Variants in NAV3 observed in about 807,000 individuals in gnomAD.
NAV3 encodes neuron navigator 3, also known as pore membrane and/or filament interacting like protein 1.
NAV3 carries 87 observed loss-of-function variants against 244.7 expected under a neutral mutation model. That is an observed-to-expected ratio of 0.36 (90% CI 0.30 to 0.42). NAV3 has a LOEUF of 0.42. Ranked by LOEUF, NAV3 falls within the 20% of genes least tolerant of loss-of-function variation. The probability of loss-of-function intolerance (pLI) is 1.00; values close to 1 mark genes in which losing one functional copy is unlikely to be tolerated. For missense variants in NAV3, 2,663 were observed against 2,893.3 expected, an observed-to-expected ratio of 0.92 and a Z score of 1.83; for synonymous variants, 1,126 against 1,042.2, an observed-to-expected ratio of 1.08 and a Z score of -1.55.
chr12:77,705,996 A>G (rs1326791915), intron 2 of NAV3, among the ~76,000 whole-genome samples: 1 of 151,362 alleles, frequency 6.6e-6, no homozygotes. Context: ...TTTTCCCTTC[A>G]CAGCTATTGT....
chr12:78,168,718 C>A, intron 23 of NAV3, 37 bp from the exon 24 acceptor site: 2 of 1,357,286 alleles, frequency 1.5e-6, no homozygotes, highest in Non-Finnish European at 2.1e-6. Flanking sequence ...ATTTTTCTTT[C>A]GGGTACTAAA....
intron 31 of NAV3, among the ~76,000 whole-genome samples, chr12:78,186,342 A>G (rs1434741367): frequency 6.6e-6 from 1 of 151,888 alleles, no homozygotes; most frequent in Non-Finnish European, 1.5e-5. Context: ...TAAGTATCCA[A>G]TTTTTTTACA....
At chr12:78,120,052 G>T (rs1955603786) in intron 15 of NAV3, 107 bp downstream of exon 15, 8 of 499,080 alleles carry the variant, frequency 1.6e-5, no homozygotes, top group Non-Finnish European at 1.8e-5. Context: ...TATGTATAAG[G>T]TATATATATA....
Position 77,926,195 on chromosome 12 carries a change from C to T in NAV3, c.244-14124C>T, listed in dbSNP as rs149008397. On this transcript the variant is annotated intron_variant, in intron 1 of 39. Transcript: ENST00000397909. Reference sequence around the variant, plus strand: ...GTTCTATGTTTTTAGCCTAAGTGAACGTAAACAATCCCTTGGCCACTTCTT... The same window carrying T: ...GTTCTATGTTTTTAGCCTAAGTGAATGTAAACAATCCCTTGGCCACTTCTT... 3.3e-4 allele frequency among the ~76,000 whole-genome samples: 50 copies of T among 152,178 alleles called. No homozygotes were observed. The East Asian group carries it at 8.7e-3, about 26-fold the overall frequency.
chr12:78,035,201 C>T (rs1323401783), intron 9 of NAV3, among the ~76,000 whole-genome samples: 1 of 152,086 alleles, frequency 6.6e-6, no homozygotes, highest in East Asian at 1.9e-4. Flanking sequence ...TTGAGATTGG[C>T]AATAGGAGGT....
At chr12:77,756,523 G>C (rs1268313852) in intron 2 of NAV3, among the ~76,000 whole-genome samples, 3 of 152,136 alleles carry the variant, frequency 2.0e-5, no homozygotes. Context: ...ATGTCAGTAA[G>C]ACATGCTCCT....
At position 77,780,006 on chromosome 12, in the gene NAV3, G is replaced by A. The variant is rs115151018; in HGVS notation, c.73-160313G>A. Among the ~76,000 whole-genome samples, 1,436 of 152,294 alleles carry A rather than the reference G, an allele frequency of 9.4e-3. 16 individuals are homozygous for A. Among genetic ancestry groups the A allele is most frequent in the African/African-American group, 0.032 (1,346 of 41,556 alleles). ...TCCTGTTGGATAGTTTCTTTGGAAT[G>A]CAGTGTTTTAGTTTTTTATTTTGTG... On this transcript the variant is annotated intron_variant, in intron 2 of 8. Transcript: ENST00000550042.
intron 2 of NAV3, among the ~76,000 whole-genome samples, chr12:77,627,989 G>A (rs1871712783): frequency 6.6e-6 from 1 of 152,166 alleles, no homozygotes; most frequent in Non-Finnish European, 1.5e-5. Flanking sequence ...GTAGAAAGTG[G>A]AATAATGGCT....
chr12:77,945,345 G>T (rs1890238166), intron 3 of NAV3, among the ~76,000 whole-genome samples: 1 of 152,112 alleles, frequency 6.6e-6, no homozygotes, highest in South Asian at 2.1e-4. Context: ...ATTTGTTTCT[G>T]TATCATGTCA....
intron 23 of NAV3, among the ~76,000 whole-genome samples, chr12:78,168,093 A>G (rs1324005021): frequency 6.6e-6 from 1 of 151,686 alleles, no homozygotes; most frequent in African/African-American, 2.4e-5. Flanking sequence ...TATAATACAT[A>G]TATTTTATTT....
chr12:77,580,737 T>C (rs2136675596), intron 2 of NAV3, among the ~76,000 whole-genome samples: 1 of 152,322 alleles, frequency 6.6e-6, no homozygotes, highest in South Asian at 2.1e-4. Context: ...ATACATGAAC[T>C]GACTCATCTT....
intron 2 of NAV3, among the ~76,000 whole-genome samples, chr12:77,656,550 A>G (rs12230376): frequency 0.032 from 3,498 of 108,804 alleles, 50 homozygotes; most frequent in Middle Eastern, 0.074. Context: ...ACAGATCAAC[A>G]AGACAGAAAG....
chr12:77,708,989 A>G (rs1332011218), intron 2 of NAV3, among the ~76,000 whole-genome samples: 4 of 152,156 alleles, frequency 2.6e-5, no homozygotes, highest in Non-Finnish European at 4.4e-5. Flanking sequence ...CTAAATATAC[A>G]ATCATGTCAT....
At chr12:78,200,683 T>C (rs2140035627) in intron 38 of NAV3, 92 bp downstream of exon 38, 2 of 637,970 alleles carry the variant, frequency 3.1e-6, no homozygotes, top group Non-Finnish European at 5.0e-6. Context: ...TGGGTATTTA[T>C]GCAGAAAACT....
chr12:77,591,389 G>T (rs538848303), intron 2 of NAV3, among the ~76,000 whole-genome samples: 1 of 152,182 alleles, frequency 6.6e-6, no homozygotes, highest in Non-Finnish European at 1.5e-5. Flanking sequence ...GAAATTTATA[G>T]TATGAGAAAT....
intron 21 of NAV3, among the ~76,000 whole-genome samples, chr12:78,147,516 G>T (rs1314468810): frequency 6.6e-6 from 1 of 150,996 alleles, no homozygotes; most frequent in African/African-American, 2.4e-5. Context: ...ATTCATTTAT[G>T]AATAAAATAG....
intron 12 of NAV3, among the ~76,000 whole-genome samples, chr12:78,111,034 G>A (rs980360440): frequency 1.3e-5 from 2 of 151,974 alleles, no homozygotes; most frequent in Non-Finnish European, 2.9e-5. Context: ...TGAATGGAGG[G>A]TAGGAGGGAA....
At chr12:78,048,954 C>G (rs1187980895) in intron 9 of NAV3, among the ~76,000 whole-genome samples, 1 of 152,208 alleles carries the variant, frequency 6.6e-6, no homozygotes, top group African/African-American at 2.4e-5. Context: ...CTGGCTACAG[C>G]AGCTTTGCCA....
chr12:77,822,087 C>A (rs1872766460), intron 2 of NAV3, among the ~76,000 whole-genome samples: 1 of 152,072 alleles, frequency 6.6e-6, no homozygotes. Flanking sequence ...CATTCCAAAG[C>A]TGACTACATT....
Sources: allele counts gnomAD v4.1 joint callset (sites outside exome capture counted in the v4.1 genomes callset), GRCh38; gene constraint gnomAD v4.1.1; transcripts MANE v1.5; gene names NCBI Gene and HGNC (gene_info 2026-07-23, HGNC 2026-07-21).